The following BEND6 variants were observed in gnomAD, a reference collection of about 807,000 sequenced individuals.
BEND6 encodes the protein BEN domain containing 6, also known as BEN domain-containing protein 6.
A neutral mutation model predicts 31.8 loss-of-function variants in BEND6; 24 were observed. The observed-to-expected ratio is 0.75, with a 90% CI of 0.55 to 1.06. BEND6 has a LOEUF of 1.06. Ranked by LOEUF, BEND6 falls within the 50% of genes least tolerant of loss-of-function variation. BEND6 has a pLI of 0.00. For synonymous variants in BEND6, 109 were observed against 114.6 expected (o/e 0.95, Z 0.31); for missense variants, 294 against 327.4 (o/e 0.90, Z 0.79).
chr6:56,978,632 C>T (rs1262740575), intron 1 of BEND6, among the ~76,000 whole-genome samples: 1 of 152,138 alleles, frequency 6.6e-6, no homozygotes, highest in African/African-American at 2.4e-5. Flanking sequence ...GTGGACTTGA[C>T]TATCATCAGT....
At chr6:56,968,496 T>G (rs1277084880) in intron 1 of BEND6, among the ~76,000 whole-genome samples, 1 of 151,578 alleles carries the variant, frequency 6.6e-6, no homozygotes, top group Non-Finnish European at 1.5e-5. Context: ...AATTTTTTTT[T>G]TATTTTTTGT....
rs1249741906 is a variant in BEND6 at position 56,977,082 on chromosome 6, A to G, written c.-100-4629A>G. ...AATTAGTGCAACCAAAATAAATTTC[A>G]TATGGCTCATTTGTTAGCCAAGAAG... On this transcript the variant is annotated intron_variant, in intron 1 of 6. Coordinates refer to ENST00000370746, the MANE Select transcript of BEND6 (RefSeq NM_152731.3). Among the ~76,000 whole-genome samples the G allele has an allele frequency of 2.0e-5, 3 of 152,378 alleles. No homozygotes were observed. In the East Asian group the frequency reaches 5.8e-4, roughly 29 times the overall value.
At chr6:57,004,147 A>C (rs916331045) in intron 3 of BEND6, among the ~76,000 whole-genome samples, 5 of 152,190 alleles carry the variant, frequency 3.3e-5, no homozygotes, top group African/African-American at 1.2e-4. Context: ...CATCACTCCT[A>C]TTCAACCTAG....
intron 6 of BEND6, among the ~76,000 whole-genome samples, chr6:57,024,827 GAAT>G (rs1827853964): frequency 6.6e-6 from 1 of 152,114 alleles, no homozygotes; most frequent in Non-Finnish European, 1.5e-5. Flanking sequence ...ATTCCCTCTT[GAAT>G]AATAATAAGT....
In BEND6 at chr6:57,015,300, A is replaced by G. The variant is rs762635596; in HGVS notation, c.466A>G (p.Ser156Gly). The change falls in exon 4 of 7, where the codon AGT (serine) becomes GGT (glycine). Residue 156 changes from serine (S) to glycine (G), a missense_variant. Ser to Gly is a moderately conservative substitution (Grantham distance 56). Transcript: ENST00000370746. ...ATGCAGTAATTCTAATTCTAACTCCAGTTCACCAGTTTCCTTAAAGCCTGA... is the reference window on the plus strand; with the variant it reads ...ATGCAGTAATTCTAATTCTAACTCCGGTTCACCAGTTTCCTTAAAGCCTGA... Reference protein sequence around the residue: ...STCSNSNSNSSSPVSLKPEEE... With the variant: ...STCSNSNSNSGSPVSLKPEEE... The G allele has an allele frequency of 1.2e-5, 19 of 1,614,066 alleles. No homozygotes were observed. In the Admixed American group the frequency reaches 2.3e-4, roughly 20 times the overall value.
intron 2 of BEND6, among the ~76,000 whole-genome samples, chr6:56,990,327 G>A (rs1290929793): frequency 1.4e-5 from 2 of 140,918 alleles, no homozygotes; most frequent in Non-Finnish European, 1.5e-5. Context: ...GCTCACCACA[G>A]CCTCAACCTA....
rs542609501 is a variant in BEND6 at position 57,004,607 on chromosome 6, A to C, written c.299-10526A>C. 2.4e-5 allele frequency: 25 copies of C among 1,032,570 alleles called. No individual in the cohort carries two copies. In the Admixed American group the frequency reaches 4.1e-4, roughly 17 times the overall value. 64.0% of individuals were successfully genotyped at this position (1,032,570 alleles called of 1,614,324 possible). On this transcript the variant is annotated intron_variant, in intron 3 of 6. Coordinates refer to ENST00000370746, the MANE Select transcript of BEND6 (RefSeq NM_152731.3). ...AGAGGCCAACATCAACCTCCAGATC[A>C]ACCTGGAGCTCTACCCCTCCTACGT...
At chr6:57,004,299 C>T (rs112910302) in intron 3 of BEND6, among the ~76,000 whole-genome samples, 28 of 152,188 alleles carry the variant, frequency 1.8e-4, no homozygotes, top group Admixed American at 1.6e-3. Context: ...AACATCTCCT[C>T]GAAACGATAA....
intron 3 of BEND6, among the ~76,000 whole-genome samples, chr6:57,005,308 C>T (rs892075617): frequency 2.4e-4 from 36 of 151,974 alleles, no homozygotes; most frequent in Admixed American, 1.7e-3. Flanking sequence ...TACTAATTCC[C>T]CTAACAAAAA....
chr6:56,959,803 A>G (rs989574355), intron 1 of BEND6, among the ~76,000 whole-genome samples: 7 of 152,198 alleles, frequency 4.6e-5, no homozygotes, highest in African/African-American at 1.7e-4. Context: ...ACTTAAAACT[A>G]CTGAGAAAAT....
rs1826078920 is a variant in BEND6 at position 56,981,775 on chromosome 6, A to G, written c.-36A>G. 6.2e-7 allele frequency: 1 copy of G among 1,608,040 alleles called. No homozygotes were observed. The highest frequency in any genetic ancestry group is 1.3e-5 in the African/African-American group (1 of 74,692). On this transcript the variant is annotated 5_prime_UTR_variant, in exon 2 of 7. The change abolishes the stop of an existing upstream ORF in the 5' untranslated region. Transcript: ENST00000370746. Reference sequence around the variant, plus strand: ...ATCTTCATGGGTATTCCCTACTCCTAGGATTTCAGAAAACCTTTGATAACT... The same window carrying G: ...ATCTTCATGGGTATTCCCTACTCCTGGGATTTCAGAAAACCTTTGATAACT...
intron 6 of BEND6, among the ~76,000 whole-genome samples, chr6:57,022,313 T>C (rs895764358): frequency 3.9e-5 from 6 of 152,016 alleles, no homozygotes; most frequent in African/African-American, 1.4e-4. Context: ...TACTCCCTAT[T>C]GATTTGTTGA....
chr6:56,980,161 C>T (rs1826019425), intron 1 of BEND6, among the ~76,000 whole-genome samples: 1 of 152,132 alleles, frequency 6.6e-6, no homozygotes, highest in Non-Finnish European at 1.5e-5. Flanking sequence ...GCCTATGCCT[C>T]TTGATTGCTT....
chr6:57,025,698 A>C (rs1314044788), intron 6 of BEND6, among the ~76,000 whole-genome samples: 1 of 152,056 alleles, frequency 6.6e-6, no homozygotes, highest in African/African-American at 2.4e-5. Flanking sequence ...TCAGGAAGAA[A>C]TTTTCCTTGT....
intron 6 of BEND6, among the ~76,000 whole-genome samples, chr6:57,019,593 G>A (rs891652854): frequency 1.3e-5 from 2 of 151,984 alleles, no homozygotes; most frequent in Admixed American, 6.5e-5. Context: ...TGCCCCAAAC[G>A]CCCTACATGT....
chr6:56,978,976 T>G (rs1253229114), intron 1 of BEND6, among the ~76,000 whole-genome samples: 1 of 152,224 alleles, frequency 6.6e-6, no homozygotes, highest in East Asian at 1.9e-4. Flanking sequence ...GATGCATAAG[T>G]AATGTCAAAC....
At chr6:56,959,649 A>G (rs565928437) in intron 1 of BEND6, among the ~76,000 whole-genome samples, 2 of 152,352 alleles carry the variant, frequency 1.3e-5, no homozygotes, top group Non-Finnish European at 2.9e-5. Flanking sequence ...GGAAACCATC[A>G]TGTGGATAGA....
intron 3 of BEND6, among the ~76,000 whole-genome samples, chr6:57,005,677 T>TA (rs76921934): frequency 0.01 from 1,316 of 130,540 alleles, 12 homozygotes; most frequent in African/African-American, 0.026. Flanking sequence ...GAGACTCCAT[T>TA]AAAAAAAAAA....
chr6:56,962,478 T>C (rs1029525459), intron 1 of BEND6, among the ~76,000 whole-genome samples: 5 of 152,222 alleles, frequency 3.3e-5, no homozygotes, highest in African/African-American at 1.2e-4. Flanking sequence ...GTGTGGCTAG[T>C]TCTTTTTGCT....
Sources: gnomAD v4.1 joint callset for allele counts (sites outside exome capture counted in the v4.1 genomes callset) on GRCh38, gnomAD v4.1.1 for gene constraint, MANE v1.5 for transcripts, NCBI Gene and HGNC (gene_info 2026-07-23, HGNC 2026-07-21) for gene names.